Variants in AKT3 observed in about 807,000 individuals in gnomAD.
AKT3 encodes the protein RAC-gamma serine/threonine-protein kinase.
AKT3 carries 15 observed loss-of-function variants against 65.3 expected under a neutral mutation model. The observed-to-expected ratio is 0.23, with a 90% CI of 0.15 to 0.35. The LOEUF is 0.35. Ranked by LOEUF, AKT3 falls within the 10% of genes least tolerant of loss-of-function variation. The pLI, the probability that AKT3 is intolerant of heterozygous loss-of-function variation, is 1.00. For synonymous variants in AKT3, 206 were observed against 183.8 expected (o/e 1.12, Z -0.98); for missense variants, 243 against 576.5 (o/e 0.42, Z 5.92).
chr1:243,508,260 G>A (rs569177636), intron 13 of AKT3, among the ~76,000 whole-genome samples: 1 of 152,290 alleles, frequency 6.6e-6, no homozygotes, highest in South Asian at 2.1e-4. Flanking sequence ...ATACTGCCCC[G>A]TTGCCCTAGA....
intron 12 of AKT3, among the ~76,000 whole-genome samples, chr1:243,541,958 C>T (rs977415488): frequency 3.9e-5 from 6 of 152,126 alleles, no homozygotes; most frequent in South Asian, 2.1e-4. Context: ...ATGAAACACA[C>T]GTAAGGATAA....
At chr1:243,747,320 G>C (rs551871939) in intron 2 of AKT3, among the ~76,000 whole-genome samples, 1 of 152,104 alleles carries the variant, frequency 6.6e-6, no homozygotes, top group South Asian at 2.1e-4. Flanking sequence ...AAAGTTATAC[G>C]GCAAAGTGAA....
At chr1:243,534,169 G>T (rs1164885428) in intron 12 of AKT3, among the ~76,000 whole-genome samples, 1 of 152,124 alleles carries the variant, frequency 6.6e-6, no homozygotes, top group African/African-American at 2.4e-5. Flanking sequence ...GACACTGATA[G>T]ATTAAAAGTA....
Position 243,512,398 on chromosome 1 carries a change from GT to G in AKT3, c.1279del (p.Thr427HisfsTer20). 1 of 1,588,282 alleles carries G rather than the reference GT, an allele frequency of 6.3e-7. No individual in the cohort carries two copies. ...AAAATATCTAGTATCTGTCTCAGAT[GT>G]TACTTGAGGTTTAAAAGGAGGTACA... ...KLVPPFKPQV[T>X]SETDTRYFDE... On this transcript the variant is annotated frameshift_variant, in exon 13 of 14. Coordinates refer to ENST00000673466, the MANE Select transcript of AKT3 (RefSeq NM_005465.7). LOFTEE classifies it high-confidence loss of function.
chr1:243,528,429 A>C (rs574975621), intron 12 of AKT3, among the ~76,000 whole-genome samples: 1 of 152,264 alleles, frequency 6.6e-6, no homozygotes, highest in East Asian at 1.9e-4. Flanking sequence ...CCCAGATAAT[A>C]AGCACAGTAC....
chr1:243,828,963 T>C (rs541470522), intron 2 of AKT3, among the ~76,000 whole-genome samples: 1 of 152,314 alleles, frequency 6.6e-6, no homozygotes, highest in South Asian at 2.1e-4. Context: ...CTCCAAGACA[T>C]AGTAAGTGAT....
At chr1:243,527,821 G>C (rs530316358) in intron 12 of AKT3, among the ~76,000 whole-genome samples, 1 of 146,772 alleles carries the variant, frequency 6.8e-6, no homozygotes, top group East Asian at 2.0e-4. Context: ...AGCTGTGATC[G>C]TGCCACTGCA....
At chr1:243,650,117 G>A (rs921921709) in intron 4 of AKT3, among the ~76,000 whole-genome samples, 1 of 152,192 alleles carries the variant, frequency 6.6e-6, no homozygotes, top group African/African-American at 2.4e-5. Context: ...TAACTGGTGT[G>A]AGATGGTATC....
intron 6 of AKT3, among the ~76,000 whole-genome samples, chr1:243,629,164 T>C (rs1230370933): frequency 1.3e-5 from 2 of 152,040 alleles, no homozygotes; most frequent in Admixed American, 6.5e-5. Context: ...TAATCTCAGC[T>C]ACTTGGGAGG....
intron 4 of AKT3, among the ~76,000 whole-genome samples, chr1:243,649,983 G>T (rs6661818): frequency 0.77 from 116,632 of 152,052 alleles, 46,022 homozygotes; most frequent in Non-Finnish European, 0.86. Context: ...CTTGAGGAAT[G>T]GCCACACTGT....
intron 3 of AKT3, among the ~76,000 whole-genome samples, chr1:243,670,155 T>C (rs1270206941): frequency 2.0e-5 from 3 of 152,208 alleles, no homozygotes; most frequent in African/African-American, 7.2e-5. Context: ...TACGTGTAAT[T>C]ACAAATAAAC....
intron 2 of AKT3, among the ~76,000 whole-genome samples, chr1:243,841,847 G>A (rs1417915873): frequency 6.6e-6 from 1 of 151,596 alleles, no homozygotes; most frequent in East Asian, 1.9e-4. Context: ...TAAAAAAAAA[G>A]CTAATGATAT....
chr1:243,591,147 TG>T (rs1676198175), intron 8 of AKT3, among the ~76,000 whole-genome samples: 1 of 152,156 alleles, frequency 6.6e-6, no homozygotes, highest in Non-Finnish European at 1.5e-5. Context: ...TACAATGGAT[TG>T]CCTCGGAGTC....
At chr1:243,769,737 C>A (rs9428972) in intron 2 of AKT3, among the ~76,000 whole-genome samples, 7,078 of 152,210 alleles carry the variant, frequency 0.047, 555 homozygotes, top group African/African-American at 0.16. Flanking sequence ...ATACTCTATT[C>A]TTTTCACTTT....
At chr1:243,712,482 C>T (rs1686225367) in intron 2 of AKT3, among the ~76,000 whole-genome samples, 1 of 152,074 alleles carries the variant, frequency 6.6e-6, no homozygotes, top group African/African-American at 2.4e-5. Flanking sequence ...TGCAACAAAA[C>T]CTTAAATGTT....
chr1:243,818,718 C>A (rs1048330572), intron 2 of AKT3, among the ~76,000 whole-genome samples: 1 of 152,080 alleles, frequency 6.6e-6, no homozygotes, highest in African/African-American at 2.4e-5. Flanking sequence ...ATAAAAATCA[C>A]AATGACAGGC....
intron 2 of AKT3, among the ~76,000 whole-genome samples, chr1:243,727,924 T>A (rs1687314574): frequency 6.6e-6 from 1 of 152,204 alleles, no homozygotes; most frequent in Admixed American, 6.5e-5. Context: ...AGAATTGACC[T>A]GACTATAAGC....
intron 3 of AKT3, among the ~76,000 whole-genome samples, chr1:243,678,428 GA>G (rs1411907710): frequency 6.6e-6 from 1 of 152,092 alleles, no homozygotes; most frequent in Admixed American, 6.5e-5. Flanking sequence ...AGAATGGGGG[GA>G]AAATCTCATC....
At chr1:243,675,357 G>A (rs979863272) in intron 3 of AKT3, among the ~76,000 whole-genome samples, 3 of 152,032 alleles carry the variant, frequency 2.0e-5, no homozygotes, top group Non-Finnish European at 2.9e-5. Context: ...ATACTACCAC[G>A]CCCAGCTAAT....
Sources: allele counts gnomAD v4.1 joint callset (sites outside exome capture counted in the v4.1 genomes callset), GRCh38; gene constraint gnomAD v4.1.1; transcripts MANE v1.5; gene names NCBI Gene and HGNC (gene_info 2026-07-23, HGNC 2026-07-21).